The following CRYBB3 variants were observed in gnomAD, a reference collection of about 807,000 sequenced individuals.
The protein encoded by CRYBB3 is crystallin beta B3, also known as beta-crystallin B3.
A neutral mutation model predicts 28.3 loss-of-function variants in CRYBB3; 35 were observed. That is an observed-to-expected ratio of 1.24 (90% CI 0.95 to 1.64). The LOEUF is 1.64. CRYBB3 is among the 40% of genes most tolerant of loss of function. The pLI is 0.00. For synonymous variants in CRYBB3, 106 were observed against 110.4 expected, an observed-to-expected ratio of 0.96 and a Z score of 0.25; for missense variants, 296 against 297.4, an observed-to-expected ratio of 1.00 and a Z score of 0.04.
chr22:25,201,724 G>A (rs1033661697), intron 2 of CRYBB3, among the ~76,000 whole-genome samples: 1 of 132,098 alleles, frequency 7.6e-6, no homozygotes, highest in African/African-American at 3.2e-5. Flanking sequence ...GGATCAGAGA[G>A]GCCCGGGGGT....
chr22:25,202,831 A>G, intron 3 of CRYBB3, 39 bp downstream of exon 3: 1 of 1,610,764 alleles, frequency 6.2e-7, no homozygotes, highest in Non-Finnish European at 8.5e-7. Flanking sequence ...CACAGCCCTG[A>G]GCCTTCTGGG....
intron 4 of CRYBB3, 53 bp from the exon 5 acceptor site, chr22:25,205,167 G>T: frequency 1.9e-6 from 3 of 1,610,466 alleles, no homozygotes; most frequent in South Asian, 1.1e-5. Flanking sequence ...GAGCCTCCTT[G>T]ACCTCTGTTC....
chr22:25,200,831 T>C (rs914430793), intron 1 of CRYBB3, among the ~76,000 whole-genome samples: 3 of 152,184 alleles, frequency 2.0e-5, no homozygotes, highest in African/African-American at 7.2e-5. Flanking sequence ...CCTCCCGACA[T>C]ATGGGGTCTC....
rs1935011846 is a variant in CRYBB3, at chr22:25,205,238, C to G, written c.346C>G (p.Leu116Val). The G allele has an allele frequency of 6.2e-7, 1 of 1,614,084 alleles. No individual in the cohort carries two copies. Among genetic ancestry groups the G allele is most frequent in the Non-Finnish European group, 8.5e-7 (1 of 1,179,982 alleles). The change falls in exon 5 of 6, where the codon CTG becomes GTG. Residue 116 changes from leucine to valine, a missense_variant. Physicochemically the swap from Leu to Val is conservative, Grantham distance 32 (BLOSUM62 1). Transcript: ENST00000215855. ...PLNIDSPHHKLHLFENPAFSG... is the reference protein window; with the variant it reads ...PLNIDSPHHKVHLFENPAFSG... ...CCCTCAGGATAGTCCACATCACAAG[C>G]TGCATCTGTTTGAGAACCCAGCTTT...
intron 5 of CRYBB3, among the ~76,000 whole-genome samples, chr22:25,206,117 C>T (rs1156893261): frequency 1.3e-5 from 2 of 152,162 alleles, no homozygotes; most frequent in Non-Finnish European, 2.9e-5. Flanking sequence ...CACTTGTGGG[C>T]TTGTAATCTG....
At chr22:25,200,591 T>A (rs754130030) in intron 1 of CRYBB3, among the ~76,000 whole-genome samples, 2 of 152,060 alleles carry the variant, frequency 1.3e-5, no homozygotes, top group Non-Finnish European at 2.9e-5. Context: ...TGTCCATGGG[T>A]GCAACAATGA....
At position 25,205,333 on chromosome 22, in the gene CRYBB3, T is replaced by C. The variant is rs370513659; in HGVS notation, c.441T>C (p.Arg147=). Residue 147 remains arginine (R), a synonymous_variant, in exon 5 of 6, where the codon CGT becomes CGC. Coordinates refer to ENST00000215855, the MANE Select transcript of CRYBB3 (RefSeq NM_004076.5). ...PSLWAHGFQD[R]VASVRAINGT... ...TGTGGGCTCATGGCTTCCAGGACCGTGTGGCGAGTGTCCGTGCCATCAACG... is the reference window on the plus strand; with the variant it reads ...TGTGGGCTCATGGCTTCCAGGACCGCGTGGCGAGTGTCCGTGCCATCAACG... The C allele has an allele frequency of 8.1e-6, 13 of 1,614,024 alleles. No homozygotes were observed. The African/African-American group carries it at 1.7e-4, about 22-fold the overall frequency.
chr22:25,202,624 G>C (rs777570326), intron 2 of CRYBB3, 50 bp from the exon 3 acceptor site: 1 of 1,611,560 alleles, frequency 6.2e-7, no homozygotes, highest in Non-Finnish European at 8.5e-7. Context: ...GGCAGAGGCT[G>C]GAGCTGGGAG....
rs765762719 is a variant in CRYBB3, at chr22:25,207,048, T to G, written c.472T>G (p.Trp158Gly). The change falls in exon 6 of 6, where the codon TGG (tryptophan) becomes GGG (glycine). Residue 158 changes from tryptophan to glycine, a missense_variant and splice_region_variant. Coordinates refer to ENST00000215855, the MANE Select transcript of CRYBB3 (RefSeq NM_004076.5). ...ATCTCAACCTTGGTCTCCCGGCAGGTGGGTTGGCTATGAGTTCCCCGGCTA... is the reference window on the plus strand; with the variant it reads ...ATCTCAACCTTGGTCTCCCGGCAGGGGGGTTGGCTATGAGTTCCCCGGCTA... ...VASVRAINGTWVGYEFPGYRG... is the reference protein window; with the variant it reads ...VASVRAINGTGVGYEFPGYRG... The G allele has an allele frequency of 1.2e-6, 2 of 1,612,520 alleles. No individual in the cohort carries two copies. Among genetic ancestry groups the G allele is most frequent in the Non-Finnish European group, 8.5e-7 (1 of 1,178,954 alleles).
chr22:25,203,300 A>T (rs1934978876), intron 3 of CRYBB3, among the ~76,000 whole-genome samples: 1 of 152,218 alleles, frequency 6.6e-6, no homozygotes, highest in Non-Finnish European at 1.5e-5. Context: ...GATCTTCGGC[A>T]AGTTGCTTCA....
Position 25,203,820 on chromosome 22 carries a change from G to A in CRYBB3, c.252G>A (p.Gly84=). ...FRGEQFVLEK[G]DYPRWDAWSN... Reference sequence around the variant, plus strand: ...GGGAGCAGTTTGTTCTGGAGAAGGGGGATTATCCTCGCTGGGATGCCTGGT... The same window carrying A: ...GGGAGCAGTTTGTTCTGGAGAAGGGAGATTATCCTCGCTGGGATGCCTGGT... Residue 84 remains glycine (G), a synonymous_variant, in exon 4 of 6, where the codon GGG becomes GGA. Transcript: ENST00000215855. 1 of 1,614,192 alleles carries A rather than the reference G, an allele frequency of 6.2e-7. No individual in the cohort carries two copies. The highest frequency in any genetic ancestry group is 8.5e-7 in the Non-Finnish European group (1 of 1,180,032).
intron 1 of CRYBB3, among the ~76,000 whole-genome samples, chr22:25,200,628 AG>A (rs1422902983): frequency 6.6e-6 from 1 of 152,188 alleles, no homozygotes; most frequent in East Asian, 1.9e-4. Flanking sequence ...TGACTGCGGC[AG>A]GGGCCTGTAT....
rs1423813296 is a variant in CRYBB3, at chr22:25,207,102, G to C, written c.526G>C (p.Gly176Arg). The change falls in exon 6 of 6, where the codon GGC (glycine) becomes CGC (arginine). Residue 176 changes from glycine (G) to arginine (R), a missense_variant. Coordinates refer to ENST00000215855, the MANE Select transcript of CRYBB3 (RefSeq NM_004076.5). The part of the protein sequence containing the change: ...YRGRQYVFER[G>R]EYRHWNEWDA... ...TGGGCGCCAGTACGTGTTTGAGCGG[G>C]GCGAGTACCGCCACTGGAATGAGTG... is the stretch of plus-strand genomic sequence containing the variant. The C allele has an allele frequency of 1.2e-6, 2 of 1,613,610 alleles. No homozygotes were observed.
Position 25,207,107 on chromosome 22 carries a change from G to T in CRYBB3, c.531G>T (p.Glu177Asp), listed in dbSNP as rs201027853. ...GCCAGTACGTGTTTGAGCGGGGCGA[G>T]TACCGCCACTGGAATGAGTGGGACG... ...RGRQYVFERG[E>D]YRHWNEWDAS... Residue 177 changes from glutamate (E) to aspartate (D), a missense_variant, in exon 6 of 6, where the codon GAG becomes GAT. Glu to Asp is a conservative substitution (Grantham distance 45). Coordinates refer to ENST00000215855, the MANE Select transcript of CRYBB3 (RefSeq NM_004076.5). 1.3e-4 allele frequency: 202 copies of T among 1,613,278 alleles called. No homozygotes were observed. Among genetic ancestry groups the T allele is most frequent in the Middle Eastern group, 3.3e-4 (2 of 6,060 alleles).
At chr22:25,206,400 G>A (rs1341339896) in intron 5 of CRYBB3, among the ~76,000 whole-genome samples, 2 of 152,014 alleles carry the variant, frequency 1.3e-5, no homozygotes, top group Non-Finnish European at 1.5e-5. Context: ...AAAATTAGCC[G>A]GGCATGGTGG....
chr22:25,202,821 C>G (rs369017384), intron 3 of CRYBB3, 29 bp downstream of exon 3: 168 of 1,612,086 alleles, frequency 1.0e-4, no homozygotes, highest in Middle Eastern at 7.3e-4. Context: ...AGTCCCTCGC[C>G]ACAGCCCTGA....
chr22:25,204,309 C>G (rs1934995488), intron 4 of CRYBB3, among the ~76,000 whole-genome samples: 1 of 152,206 alleles, frequency 6.6e-6, no homozygotes, highest in East Asian at 1.9e-4. Context: ...CACAGTGACA[C>G]TTTTTATTTA....
At chr22:25,203,689 C>G in intron 3 of CRYBB3, 74 bp from the exon 4 acceptor site, 1 of 1,566,040 alleles carries the variant, frequency 6.4e-7, no homozygotes, top group Non-Finnish European at 8.8e-7. Flanking sequence ...AGCTCTTGGA[C>G]ACTTCTCTCA....
Position 25,207,287 on chromosome 22 carries a change from G to A in CRYBB3, c.*75G>A. On this transcript the variant is annotated 3_prime_UTR_variant, in exon 6 of 6. Transcript: ENST00000215855. ...GCAAGAAGAGGAGGCTCCAGGGTTGGGGCGAGGGCCGACCTGTCCACCCTT... is the reference window on the plus strand; with the variant it reads ...GCAAGAAGAGGAGGCTCCAGGGTTGAGGCGAGGGCCGACCTGTCCACCCTT... 2 of 1,391,186 alleles carry A rather than the reference G, an allele frequency of 1.4e-6. No individual in the cohort carries two copies. Among genetic ancestry groups the A allele is most frequent in the East Asian group, 2.4e-5 (1 of 41,440 alleles). 86.2% of individuals were successfully genotyped at this position (1,391,186 alleles called of 1,614,324 possible).
Sources: gnomAD v4.1 joint callset for allele counts (sites outside exome capture counted in the v4.1 genomes callset) on GRCh38, gnomAD v4.1.1 for gene constraint, MANE v1.5 for transcripts, NCBI Gene and HGNC (gene_info 2026-07-23, HGNC 2026-07-21) for gene names.